The following CADM2 variants were observed in gnomAD, a reference collection of about 807,000 sequenced individuals.
CADM2 encodes immunoglobulin superfamily member 4D.
A neutral mutation model predicts 49.8 loss-of-function variants in CADM2; 12 were observed. That is an observed-to-expected ratio of 0.24 (90% confidence interval 0.15 to 0.39). The LOEUF (loss-of-function observed/expected upper bound fraction) is 0.39. CADM2 is among the 10% of genes least tolerant of loss of function. The pLI, the probability that CADM2 is intolerant of heterozygous loss-of-function variation, is 1.00. For missense variants in CADM2, 378 were observed against 492.3 expected, an observed-to-expected ratio of 0.77 and a Z score of 2.20; for synonymous variants, 214 against 175.4, an observed-to-expected ratio of 1.22 and a Z score of -1.74.
chr3:85,338,808 A>G (rs2045161717), intron 1 of CADM2, among the ~76,000 whole-genome samples: 1 of 151,542 alleles, frequency 6.6e-6, no homozygotes, highest in Admixed American at 6.6e-5. Context: ...TAGATTATAC[A>G]GGAATCCCAA....
At chr3:85,627,890 G>A (rs2064174478) in intron 1 of CADM2, among the ~76,000 whole-genome samples, 1 of 152,078 alleles carries the variant, frequency 6.6e-6, no homozygotes, top group South Asian at 2.1e-4. Context: ...GGTAGAGCAA[G>A]CTGATAGCAA....
chr3:85,466,699 C>A (rs1403143925), intron 1 of CADM2, among the ~76,000 whole-genome samples: 1 of 151,194 alleles, frequency 6.6e-6, no homozygotes, highest in Admixed American at 6.6e-5. Flanking sequence ...AAACATTTTG[C>A]CAATAAAAAT....
chr3:85,865,450 T>C (rs1410816554), intron 3 of CADM2, among the ~76,000 whole-genome samples: 1 of 152,206 alleles, frequency 6.6e-6, no homozygotes, highest in African/African-American at 2.4e-5. Context: ...AAATATGAAC[T>C]CCTGCACCCA....
intron 1 of CADM2, among the ~76,000 whole-genome samples, chr3:85,073,361 TCTC>T (rs1187280024): frequency 6.6e-6 from 1 of 152,136 alleles, no homozygotes; most frequent in African/African-American, 2.4e-5. Context: ...AAAGTACACT[TCTC>T]TAAGTAACCA....
intron 8 of CADM2, among the ~76,000 whole-genome samples, chr3:86,020,818 G>A (rs534664438): frequency 7.7e-4 from 117 of 152,136 alleles, no homozygotes; most frequent in African/African-American, 2.8e-3. Context: ...CAATAAATTA[G>A]GTATTGATGG....
At chr3:85,752,682 G>A (rs1559633049) in intron 2 of CADM2, among the ~76,000 whole-genome samples, 2 of 151,992 alleles carry the variant, frequency 1.3e-5, no homozygotes, top group Non-Finnish European at 2.9e-5. Context: ...TCATCCTAAA[G>A]TTATTGCCCA....
intron 1 of CADM2, among the ~76,000 whole-genome samples, chr3:85,309,949 A>T (rs1205166382): frequency 6.6e-6 from 1 of 152,202 alleles, no homozygotes; most frequent in Non-Finnish European, 1.5e-5. Flanking sequence ...CTGCTATTGA[A>T]GATACTGTCC....
chr3:85,113,503 G>T (rs560387783), intron 1 of CADM2, among the ~76,000 whole-genome samples: 1 of 152,036 alleles, frequency 6.6e-6, no homozygotes, highest in Admixed American at 6.6e-5. Context: ...CTTGGAATTA[G>T]AATAGTAAGG....
At chr3:85,305,794 A>G (rs948688436) in intron 1 of CADM2, among the ~76,000 whole-genome samples, 2 of 151,702 alleles carry the variant, frequency 1.3e-5, no homozygotes, top group African/African-American at 2.4e-5. Context: ...AATTAAAACA[A>G]TTTACTTACT....
At chr3:85,949,016 A>G (rs1723072983) in intron 7 of CADM2, among the ~76,000 whole-genome samples, 1 of 151,412 alleles carries the variant, frequency 6.6e-6, no homozygotes, top group Non-Finnish European at 1.5e-5. Context: ...CACCACTCAA[A>G]ATTGCAAGAA....
chr3:85,063,522 C>T (rs1308696356), intron 1 of CADM2, among the ~76,000 whole-genome samples: 1 of 151,810 alleles, frequency 6.6e-6, no homozygotes, highest in Non-Finnish European at 1.5e-5. Flanking sequence ...TTTGAAACAT[C>T]CAAGTATTTT....
intron 1 of CADM2, among the ~76,000 whole-genome samples, chr3:85,717,861 A>G (rs1265409446): frequency 6.6e-6 from 1 of 152,058 alleles, no homozygotes. Context: ...TCTGCCTCCC[A>G]GTTTCAAGCA....
chr3:85,075,800 T>C (rs1048987906), intron 1 of CADM2, among the ~76,000 whole-genome samples: 2 of 152,206 alleles, frequency 1.3e-5, no homozygotes, highest in Non-Finnish European at 2.9e-5. Context: ...TGAGCTATTT[T>C]AATTCTCCTA....
At chr3:85,146,115 T>C (rs1333164615) in intron 1 of CADM2, among the ~76,000 whole-genome samples, 1 of 152,198 alleles carries the variant, frequency 6.6e-6, no homozygotes, top group Non-Finnish European at 1.5e-5. Flanking sequence ...CCCTTAGGAT[T>C]GCTGCGAGTT....
At chr3:85,623,117 A>G (rs1008467582) in intron 1 of CADM2, among the ~76,000 whole-genome samples, 3 of 152,098 alleles carry the variant, frequency 2.0e-5, no homozygotes, top group Non-Finnish European at 2.9e-5. Flanking sequence ...ATGGGCTGGA[A>G]CTGAAGGAAG....
chr3:86,007,121 A>T (rs1446836108), intron 8 of CADM2, among the ~76,000 whole-genome samples: 1 of 86,080 alleles, frequency 1.2e-5, no homozygotes, highest in Non-Finnish European at 2.2e-5. Context: ...CCCCCTCACC[A>T]TTATCTCTCT....
Position 85,802,091 on chromosome 3 carries a change from G to C in CADM2, c.133G>C (p.Glu45Gln). The C allele has an allele frequency of 6.2e-7, 1 of 1,612,994 alleles. No homozygotes were observed. Among genetic ancestry groups the C allele is most frequent in the Non-Finnish European group, 8.5e-7 (1 of 1,179,366 alleles). ...ACTAACACAGAATGTAACCGTTGTT[G>C]AAGGTGGAACTGCAATTTTGACCTG... ...FPLTQNVTVV[E>Q]GGTAILTCRV... Residue 45 changes from glutamate to glutamine, a missense_variant, in exon 3 of 10, where the codon GAA becomes CAA. Glu to Gln is a conservative substitution (Grantham distance 29). Transcript: ENST00000383699.
At chr3:85,047,001 G>T (rs1471559944) in intron 1 of CADM2, among the ~76,000 whole-genome samples, 3 of 151,882 alleles carry the variant, frequency 2.0e-5, no homozygotes, top group Admixed American at 6.6e-5. Flanking sequence ...AGACATAAAA[G>T]GTTCTGCAGA....
intron 1 of CADM2, among the ~76,000 whole-genome samples, chr3:85,498,860 GA>G (rs2040006812): frequency 1.3e-5 from 2 of 152,130 alleles, no homozygotes; most frequent in South Asian, 4.1e-4. Context: ...TGAATAAAGG[GA>G]ATTAACTGTG....
Sources: allele counts gnomAD v4.1 joint callset (sites outside exome capture counted in the v4.1 genomes callset), GRCh38; gene constraint gnomAD v4.1.1; transcripts MANE v1.5; gene names NCBI Gene and HGNC (gene_info 2026-07-23, HGNC 2026-07-21).